PARD3B: variants seen among roughly 807,000 people sequenced by gnomAD.
PARD3B encodes the protein par-3 family cell polarity regulator beta.
Under a neutral mutation model 130.2 loss-of-function variants are expected in PARD3B, and 103 were observed. That is an observed-to-expected ratio of 0.79 (90% CI 0.67 to 0.93). The LOEUF (loss-of-function observed/expected upper bound fraction) is 0.93. Among genes scored for constraint, PARD3B ranks in the 40% least tolerant of loss-of-function variants. The pLI is 0.00. For synonymous variants in PARD3B, 583 were observed against 553.2 expected (o/e 1.05, Z -0.76); for missense variants, 1,609 against 1,499.2 (o/e 1.07, Z -1.21).
At chr2:205,290,728 A>G (rs1027533375) in intron 16 of PARD3B, among the ~76,000 whole-genome samples, 1 of 152,202 alleles carries the variant, frequency 6.6e-6, no homozygotes, top group Non-Finnish European at 1.5e-5. Context: ...GTTTCCCCCA[A>G]AAAATCATAC....
At chr2:205,500,640 GAAGC>G (rs1327155937) in intron 21 of PARD3B, among the ~76,000 whole-genome samples, 1 of 152,144 alleles carries the variant, frequency 6.6e-6, no homozygotes, top group Non-Finnish European at 1.5e-5. Context: ...TTGTTTTCAA[GAAGC>G]AAGTCTGTGC....
At chr2:204,756,849 T>A (rs148408111) in intron 2 of PARD3B, among the ~76,000 whole-genome samples, 1 of 152,272 alleles carries the variant, frequency 6.6e-6, no homozygotes, top group East Asian at 1.9e-4. Context: ...GGGCTTCTAA[T>A]GATCCCATCA....
At position 205,362,089 on chromosome 2, in the gene PARD3B, C is replaced by T. The variant is rs555264711; in HGVS notation, c.2631-38924C>T. ...TAACTGTCTAACCTATAGCCCTGGGCTTGTTTGCAGCATCAAAATTCATTC... is the reference window on the plus strand; with the variant it reads ...TAACTGTCTAACCTATAGCCCTGGGTTTGTTTGCAGCATCAAAATTCATTC... On this transcript the variant is annotated intron_variant, in intron 18 of 22. Coordinates refer to ENST00000406610, the MANE Select transcript of PARD3B (RefSeq NM_001302769.2). Among the ~76,000 whole-genome samples, 3 of 152,218 alleles carry T rather than the reference C, an allele frequency of 2.0e-5. No homozygotes were observed. In the South Asian group the frequency reaches 6.2e-4, roughly 32 times the overall value.
At chr2:204,881,626 G>C (rs1399678635) in intron 2 of PARD3B, among the ~76,000 whole-genome samples, 2 of 152,222 alleles carry the variant, frequency 1.3e-5, no homozygotes, top group African/African-American at 4.8e-5. Context: ...TTGCCAAGGG[G>C]CATGCTGAAG....
At chr2:204,995,314 G>C (rs1434289052) in intron 3 of PARD3B, among the ~76,000 whole-genome samples, 1 of 150,062 alleles carries the variant, frequency 6.7e-6, no homozygotes, top group African/African-American at 2.5e-5. Context: ...TGTCTATAAA[G>C]TATTTTATTT....
At chr2:204,873,438 C>T (rs1483306587) in intron 2 of PARD3B, among the ~76,000 whole-genome samples, 3 of 152,186 alleles carry the variant, frequency 2.0e-5, no homozygotes, top group Non-Finnish European at 4.4e-5. Context: ...TTTCCCCAGC[C>T]ATTCATTATT....
rs2033089806 is a variant in PARD3B, at chr2:205,142,966, A to G, written c.1435-15756A>G. 1.3e-5 allele frequency among the ~76,000 whole-genome samples: 2 copies of G among 152,204 alleles called. No homozygotes were observed. The highest frequency in any genetic ancestry group is 2.9e-5 in the Non-Finnish European group (2 of 68,026). ...AAGTGATGCGAATCATCAGAATGGG[A>G]AAACATAAGTGAAATGGGAGCTGCG... On this transcript the variant is annotated intron_variant, in intron 10 of 22. Transcript: ENST00000406610. This position sits in a 1 kb window ranked among gnomAD's most constrained non-coding sequence, Gnocchi z 4.3.
chr2:205,618,194 T>C lies in PARD3B; in HGVS notation c.*2381T>C, dbSNP rs2055494540. 1.3e-5 allele frequency: 2 copies of C among 152,226 alleles called. No homozygotes were observed. The highest frequency in any genetic ancestry group is 1.3e-4 in the Admixed American group (2 of 15,282). 9.4% of individuals were successfully genotyped at this position (152,226 alleles called of 1,614,324 possible). ...ACTATTAAAGTGAACAAAAACTAGA[T>C]TGCAACAGTTTTCTTTCCTTGCTTG... On this transcript the variant is annotated 3_prime_UTR_variant, in exon 23 of 23. Transcript: ENST00000406610.
At chr2:205,372,506 TA>T (rs2105911176) in intron 18 of PARD3B, among the ~76,000 whole-genome samples, 1 of 152,366 alleles carries the variant, frequency 6.6e-6, no homozygotes, top group Non-Finnish European at 1.5e-5. Flanking sequence ...TCCAGTCATT[TA>T]ACTTTAGGAC....
At chr2:204,763,420 C>G (rs2040994585) in intron 2 of PARD3B, among the ~76,000 whole-genome samples, 2 of 151,914 alleles carry the variant, frequency 1.3e-5, no homozygotes, top group Admixed American at 1.3e-4. Context: ...GCAACTTTGC[C>G]TAAATAAATT....
intron 1 of PARD3B, among the ~76,000 whole-genome samples, chr2:204,642,957 C>CA (rs1471062543): frequency 2.0e-5 from 3 of 150,502 alleles, no homozygotes; most frequent in Non-Finnish European, 4.4e-5. Context: ...ACTAAAAATA[C>CA]AAAAAAATTA....
intron 18 of PARD3B, among the ~76,000 whole-genome samples, chr2:205,311,267 T>A (rs1574665839): frequency 6.6e-6 from 1 of 152,208 alleles, no homozygotes; most frequent in African/African-American, 2.4e-5. Flanking sequence ...ATGATGGCTG[T>A]AATAATTTAC....
chr2:205,029,780 T>A (rs536032440), intron 3 of PARD3B, among the ~76,000 whole-genome samples: 1 of 152,148 alleles, frequency 6.6e-6, no homozygotes, highest in African/African-American at 2.4e-5. Flanking sequence ...GGACAAAAGA[T>A]GTTAAACAGG....
chr2:204,921,891 G>A (rs2047694549), intron 2 of PARD3B, among the ~76,000 whole-genome samples: 1 of 152,122 alleles, frequency 6.6e-6, no homozygotes. Flanking sequence ...TGTGACAGAT[G>A]CAAAAGTTAT....
At chr2:204,589,531 G>C (rs935733306) in intron 1 of PARD3B, among the ~76,000 whole-genome samples, 4 of 152,122 alleles carry the variant, frequency 2.6e-5, no homozygotes, top group Non-Finnish European at 5.9e-5. Context: ...TGTGAAAACA[G>C]TTAAATCTAG....
At chr2:204,902,524 C>T (rs1053855165) in intron 2 of PARD3B, among the ~76,000 whole-genome samples, 2 of 151,934 alleles carry the variant, frequency 1.3e-5, no homozygotes, top group Admixed American at 1.3e-4. Flanking sequence ...AAAACATTAG[C>T]CGGGCGTGGT....
intron 1 of PARD3B, among the ~76,000 whole-genome samples, chr2:204,624,788 T>C (rs6733759): frequency 0.019 from 2,925 of 152,226 alleles, 91 homozygotes; most frequent in African/African-American, 0.067. Flanking sequence ...AGTGTATCTT[T>C]AGTTATTTGG....
chr2:205,311,955 T>C (rs1271302082), intron 18 of PARD3B, among the ~76,000 whole-genome samples: 1 of 152,218 alleles, frequency 6.6e-6, no homozygotes, highest in Non-Finnish European at 1.5e-5. Context: ...CATAGTTATT[T>C]CATCAGGCTG....
chr2:205,254,668 TA>T lies in PARD3B; in HGVS notation c.2185+8847del, dbSNP rs71946379. On this transcript the variant is annotated intron_variant, in intron 16 of 22. Coordinates refer to ENST00000406610, the MANE Select transcript of PARD3B (RefSeq NM_001302769.2). The stretch of plus-strand genomic sequence containing the variant: ...TGAATTTCAGTATTTTATTTTATTT[TA>T]TTTTTTTTTTTTGAGATGGAGTCTC... Among the ~76,000 whole-genome samples the T allele has an allele frequency of 3.2e-3, 468 of 144,122 alleles. 3 individuals are homozygous for T. Among genetic ancestry groups the T allele is most frequent in the Admixed American group, 5.1e-3 (76 of 14,758 alleles). 94.5% of individuals were successfully genotyped at this position (144,122 alleles called of 152,430 possible).
Sources: gnomAD v4.1 joint callset for allele counts (sites outside exome capture counted in the v4.1 genomes callset) on GRCh38, gnomAD v4.1.1 for gene constraint, Gnocchi (gnomAD v3.1) non-coding constraint, MANE v1.5 for transcripts, NCBI Gene and HGNC (gene_info 2026-07-23, HGNC 2026-07-21) for gene names.